MAP3K14: variants seen among roughly 807,000 people sequenced by gnomAD.
MAP3K14 encodes mitogen-activated protein kinase kinase kinase 14, also known as NF-kappa-beta-inducing kinase.
MAP3K14 carries 16 observed loss-of-function variants against 99.2 expected under a neutral mutation model. The ratio of observed to expected loss-of-function variants is 0.16; its 90% confidence interval spans 0.11 to 0.24. The LOEUF is 0.24. MAP3K14 is among the 10% of genes least tolerant of loss of function. The pLI is 1.00. For synonymous variants in MAP3K14, 462 were observed against 492.4 expected (o/e 0.94, Z 0.82); for missense variants, 784 against 1,208.7 (o/e 0.65, Z 5.21).
chr17:45,289,423 A>C, intron 2 of MAP3K14, 118 bp from the exon 3 acceptor site: 1 of 754,412 alleles, frequency 1.3e-6, no homozygotes, highest in East Asian at 2.7e-5. Context: ...TTTCCAGACA[A>C]CCCCTGTCTG....
intron 1 of MAP3K14, among the ~76,000 whole-genome samples, chr17:45,313,407 T>C (rs1046762586): frequency 6.6e-6 from 1 of 152,196 alleles, no homozygotes; most frequent in Non-Finnish European, 1.5e-5. Context: ...ATATCTCCTC[T>C]CATTTTCTAC....
chr17:45,267,863 A>C lies in MAP3K14; in HGVS notation c.1973-104T>G. On this transcript the variant is annotated intron_variant, in intron 11 of 15. Coordinates refer to ENST00000344686, the MANE Select transcript of MAP3K14 (RefSeq NM_003954.5). This position sits in a 1 kb window ranked among gnomAD's most constrained non-coding sequence, Gnocchi z 5.1. ...AGTGCAGAAGGGCTAGAGGCAAACA[A>C]AGGGGAGGACACTGCCCCGGGCCAC... 1.0e-6 allele frequency: 1 copy of C among 970,688 alleles called. No individual in the cohort carries two copies. Among genetic ancestry groups the C allele is most frequent in the Non-Finnish European group, 1.6e-6 (1 of 639,504 alleles). The allele number at this position is 970,688 out of a possible 1,614,324, so 60.1% of individuals were successfully genotyped here.
chr17:45,307,308 G>C (rs2044438278), intron 1 of MAP3K14, among the ~76,000 whole-genome samples: 1 of 151,542 alleles, frequency 6.6e-6, no homozygotes, highest in African/African-American at 2.4e-5. Context: ...AAAATTTCAA[G>C]TGTCATCGAA....
intron 1 of MAP3K14, among the ~76,000 whole-genome samples, chr17:45,314,092 A>G (rs1239564315): frequency 6.6e-6 from 1 of 152,216 alleles, no homozygotes; most frequent in African/African-American, 2.4e-5. Context: ...TTAAACTAGA[A>G]TACAAAGAGC....
At chr17:45,292,463 C>A (rs369645203) in intron 1 of MAP3K14, among the ~76,000 whole-genome samples, 1 of 151,888 alleles carries the variant, frequency 6.6e-6, no homozygotes, top group Non-Finnish European at 1.5e-5. Context: ...CTAGAGGCTG[C>A]GGTGGGAGGA....
intron 1 of MAP3K14, among the ~76,000 whole-genome samples, chr17:45,298,018 C>T (rs1486213648): frequency 6.6e-6 from 1 of 152,152 alleles, no homozygotes; most frequent in Admixed American, 6.5e-5. Context: ...CATGTCTGGC[C>T]AGTTTAAATC....
chr17:45,268,981 T>G (rs1419528070), intron 11 of MAP3K14, among the ~76,000 whole-genome samples: 2 of 152,078 alleles, frequency 1.3e-5, no homozygotes, highest in African/African-American at 2.4e-5. Context: ...AACTTTCTGC[T>G]TTTTTCCAGT....
At chr17:45,290,845 A>G in intron 1 of MAP3K14, 80 bp from the exon 2 acceptor site, 1 of 1,438,306 alleles carries the variant, frequency 7.0e-7, no homozygotes, top group African/African-American at 1.4e-5. Context: ...GTTGGGGGAG[A>G]AAGGCAGGGG....
intron 13 of MAP3K14, among the ~76,000 whole-genome samples, 152 bp downstream of exon 13, chr17:45,266,940 A>T (rs1293950412): frequency 6.6e-6 from 1 of 152,000 alleles, no homozygotes; most frequent in Non-Finnish European, 1.5e-5. Flanking sequence ...GAGGACCCCC[A>T]CCAGAAGGAA....
intron 9 of MAP3K14, among the ~76,000 whole-genome samples, chr17:45,273,009 C>T (rs916725419): frequency 2.0e-5 from 3 of 152,170 alleles, no homozygotes; most frequent in Admixed American, 6.6e-5. Context: ...CTGTTCTCTG[C>T]CTCTTTTATA....
chr17:45,309,883 G>A (rs1054690303), intron 1 of MAP3K14, among the ~76,000 whole-genome samples: 2 of 152,132 alleles, frequency 1.3e-5, no homozygotes, highest in Admixed American at 6.5e-5. Context: ...GCTAGAGGGA[G>A]GTGGTGCAGG....
chr17:45,283,984 G>A (rs558945670), intron 6 of MAP3K14, among the ~76,000 whole-genome samples: 4 of 152,228 alleles, frequency 2.6e-5, no homozygotes, highest in Non-Finnish European at 4.4e-5. Flanking sequence ...AAGGTCTGTC[G>A]GTCTGCAGCC....
chr17:45,308,150 C>A (rs1332303137), intron 1 of MAP3K14, among the ~76,000 whole-genome samples: 1 of 152,238 alleles, frequency 6.6e-6, no homozygotes, highest in East Asian at 1.9e-4. Flanking sequence ...GCTCTCTCGT[C>A]CTCCCCGAGG....
chr17:45,276,958 T>C (rs1362099351), intron 6 of MAP3K14, among the ~76,000 whole-genome samples: 1 of 149,860 alleles, frequency 6.7e-6, no homozygotes, highest in African/African-American at 2.5e-5. Flanking sequence ...GCCTCCTGAG[T>C]AGCTGGGATT....
At chr17:45,297,117 TC>T (rs1334595956) in intron 1 of MAP3K14, among the ~76,000 whole-genome samples, 3 of 152,178 alleles carry the variant, frequency 2.0e-5, no homozygotes, top group Non-Finnish European at 4.4e-5. Flanking sequence ...TAAATGAGGC[TC>T]AATTTATACA....
intron 1 of MAP3K14, among the ~76,000 whole-genome samples, chr17:45,298,041 G>A (rs1338149749): frequency 2.0e-5 from 3 of 152,166 alleles, no homozygotes; most frequent in African/African-American, 4.8e-5. Context: ...TTTAAAACAT[G>A]AAAATCTAGA....
intron 1 of MAP3K14, among the ~76,000 whole-genome samples, chr17:45,295,968 G>A (rs530395609): frequency 6.6e-6 from 1 of 152,144 alleles, no homozygotes; most frequent in Non-Finnish European, 1.5e-5. Flanking sequence ...CTCCATACAC[G>A]AAAGGGAAAT....
rs1393871125 is a variant in MAP3K14, at chr17:45,267,943, A to G, written c.1973-184T>C. 2.3e-5 allele frequency: 13 copies of G among 555,088 alleles called. No individual in the cohort carries two copies. The highest frequency in any genetic ancestry group is 4.1e-5 in the Non-Finnish European group (13 of 320,244). The allele number at this position is 555,088 out of a possible 1,614,324, so 34.4% of individuals were successfully genotyped here. On this transcript the variant is annotated intron_variant, in intron 11 of 15. Transcript: ENST00000344686. The surrounding 1 kb of genome is among the most constrained non-coding windows in gnomAD (Gnocchi z 5.1). ...GTGGTCTCCACAGGAGACTTCCTCA[A>G]TAAAATGGTCCCAATATGACAGGGA...
At chr17:45,285,818 G>C (rs916658761) in intron 5 of MAP3K14, among the ~76,000 whole-genome samples, 3 of 150,190 alleles carry the variant, frequency 2.0e-5, no homozygotes, top group African/African-American at 7.4e-5. Context: ...TGGGCGTGGT[G>C]GTACACGCTT....
Sources: allele counts gnomAD v4.1 joint callset (sites outside exome capture counted in the v4.1 genomes callset), GRCh38; gene constraint gnomAD v4.1.1; non-coding constraint Gnocchi (gnomAD v3.1); transcripts MANE v1.5; gene names NCBI Gene and HGNC (gene_info 2026-07-23, HGNC 2026-07-21).